Variants in ADGRL3 observed in about 807,000 individuals in gnomAD.
The protein encoded by ADGRL3 is adhesion G protein-coupled receptor L3.
A neutral mutation model predicts 153.5 loss-of-function variants in ADGRL3; 62 were observed. The observed-to-expected ratio is 0.40, with a 90% CI of 0.33 to 0.50. The LOEUF (loss-of-function observed/expected upper bound fraction) is 0.50, where lower values mean the gene tolerates loss of function less well. Among genes scored for constraint, ADGRL3 ranks in the 20% least tolerant of loss-of-function variants. ADGRL3 has a pLI of 0.47. For missense variants in ADGRL3, 1,641 were observed against 1,859.4 expected (o/e 0.88, Z 2.16); for synonymous variants, 710 against 672.5 (o/e 1.06, Z -0.86).
At chr4:61,653,149 C>G (rs978669732) in intron 5 of ADGRL3, among the ~76,000 whole-genome samples, 4 of 101,492 alleles carry the variant, frequency 3.9e-5, no homozygotes, top group South Asian at 3.7e-4. Flanking sequence ...CTCTCTCTCT[C>G]TGTCTCTCTC....
intron 2 of ADGRL3, among the ~76,000 whole-genome samples, chr4:61,456,416 GATATATCTATATCTAT>G (rs1560664582): frequency 6.3e-5 from 3 of 47,780 alleles, no homozygotes; most frequent in African/African-American, 5.7e-5. Flanking sequence ...TATATATATA[GATATATCTATATCTAT>G]ATATATAGAT....
At chr4:61,994,438 C>T (rs769370177) in intron 19 of ADGRL3, among the ~76,000 whole-genome samples, 1 of 152,022 alleles carries the variant, frequency 6.6e-6, no homozygotes. Context: ...AGGGGTGAGC[C>T]GCTGTGGCTA....
chr4:61,656,740 T>TA (rs1428161794), intron 5 of ADGRL3, among the ~76,000 whole-genome samples: 1 of 152,164 alleles, frequency 6.6e-6, no homozygotes, highest in Non-Finnish European at 1.5e-5. Context: ...TTTAGGGAGT[T>TA]ACAGTAAAAC....
At chr4:61,386,595 G>T (rs1434740238) in intron 2 of ADGRL3, among the ~76,000 whole-genome samples, 2 of 152,112 alleles carry the variant, frequency 1.3e-5, no homozygotes, top group South Asian at 2.1e-4. Context: ...CCTTATTGGA[G>T]ATTTCTTGCA....
intron 1 of ADGRL3, among the ~76,000 whole-genome samples, chr4:61,321,501 GT>G (rs1487076004): frequency 5.9e-5 from 9 of 151,454 alleles, no homozygotes; most frequent in Non-Finnish European, 1.2e-4. Context: ...TAATTATAGG[GT>G]TGGGGATATA....
At chr4:61,396,193 C>A (rs573219142) in intron 2 of ADGRL3, among the ~76,000 whole-genome samples, 2 of 149,518 alleles carry the variant, frequency 1.3e-5, no homozygotes, top group Non-Finnish European at 2.9e-5. Flanking sequence ...ATCCTTTTAG[C>A]TTTAGATGTA....
intron 6 of ADGRL3, among the ~76,000 whole-genome samples, chr4:61,710,204 C>A (rs948386514): frequency 1.3e-5 from 2 of 152,110 alleles, no homozygotes; most frequent in African/African-American, 4.8e-5. Context: ...AGCCTTTCTC[C>A]TTTGTGAAAT....
chr4:62,048,599 C>G (rs555882044), intron 25 of ADGRL3, among the ~76,000 whole-genome samples: 1 of 152,156 alleles, frequency 6.6e-6, no homozygotes, highest in South Asian at 2.1e-4. Context: ...CTCTGTCACC[C>G]TGTTTGGAGT....
At chr4:61,734,565 A>G (rs185555694) in intron 8 of ADGRL3, among the ~76,000 whole-genome samples, 10 of 152,282 alleles carry the variant, frequency 6.6e-5, no homozygotes, top group African/African-American at 1.2e-4. Flanking sequence ...ACTCACTATC[A>G]CAAGAACAGC....
At chr4:61,488,768 C>CA (rs2098225113) in intron 2 of ADGRL3, among the ~76,000 whole-genome samples, 1 of 151,980 alleles carries the variant, frequency 6.6e-6, no homozygotes, top group East Asian at 1.9e-4. Flanking sequence ...ACATGCTGGA[C>CA]TTATAGGTCA....
intron 25 of ADGRL3, among the ~76,000 whole-genome samples, chr4:62,055,323 A>G (rs1443776172): frequency 3.3e-5 from 5 of 151,824 alleles, no homozygotes; most frequent in Admixed American, 3.3e-4. Flanking sequence ...TAGAGAAAAT[A>G]TGTCATTGAA....
intron 1 of ADGRL3, among the ~76,000 whole-genome samples, chr4:61,266,893 T>C (rs1212657099): frequency 6.6e-6 from 1 of 151,682 alleles, no homozygotes; most frequent in Non-Finnish European, 1.5e-5. Flanking sequence ...GAGTTCAAAA[T>C]CATAATTTCA....
At chr4:61,598,249 C>A (rs2098997295) in intron 5 of ADGRL3, among the ~76,000 whole-genome samples, 2 of 152,048 alleles carry the variant, frequency 1.3e-5, no homozygotes, top group African/African-American at 4.8e-5. Flanking sequence ...ATAATATTAG[C>A]AGCACAAACC....
At chr4:61,883,289 A>G (rs932390796) in intron 9 of ADGRL3, among the ~76,000 whole-genome samples, 1 of 152,120 alleles carries the variant, frequency 6.6e-6, no homozygotes, top group Non-Finnish European at 1.5e-5. Flanking sequence ...TAAGCTCTAT[A>G]AGGGCAGAGA....
At chr4:61,387,637 C>T (rs1208752440) in intron 2 of ADGRL3, among the ~76,000 whole-genome samples, 1 of 152,148 alleles carries the variant, frequency 6.6e-6, no homozygotes, top group Non-Finnish European at 1.5e-5. Context: ...TCTGTTCCGC[C>T]TGGCTCACCG....
intron 2 of ADGRL3, among the ~76,000 whole-genome samples, chr4:61,439,104 C>T (rs72636145): frequency 0.17 from 25,656 of 151,964 alleles, 2,306 homozygotes; most frequent in Middle Eastern, 0.26. Flanking sequence ...AGAGCAAAAC[C>T]AAGGCACTCA....
intron 4 of ADGRL3, among the ~76,000 whole-genome samples, chr4:61,563,189 G>A (rs2149006548): frequency 6.6e-6 from 1 of 152,240 alleles, no homozygotes; most frequent in East Asian, 1.9e-4. Context: ...CAACATTAAT[G>A]TCCTTGAACA....
At chr4:61,667,984 G>A (rs558267616) in intron 5 of ADGRL3, among the ~76,000 whole-genome samples, 1 of 152,080 alleles carries the variant, frequency 6.6e-6, no homozygotes, top group South Asian at 2.1e-4. Context: ...ACATGTGTTA[G>A]GATGAATAAT....
intron 5 of ADGRL3, among the ~76,000 whole-genome samples, chr4:61,630,391 T>A (rs994632734): frequency 6.6e-6 from 1 of 152,246 alleles, no homozygotes; most frequent in Admixed American, 6.5e-5. Flanking sequence ...AATAGCTTGA[T>A]TGAGAAAGAA....
Sources: gnomAD v4.1 joint callset for allele counts (sites outside exome capture counted in the v4.1 genomes callset) on GRCh38, gnomAD v4.1.1 for gene constraint, MANE v1.5 for transcripts, NCBI Gene and HGNC (gene_info 2026-07-23, HGNC 2026-07-21) for gene names.